The following SPA17 variants were observed in gnomAD, a reference collection of about 807,000 sequenced individuals.
The protein encoded by SPA17 is sperm autoantigenic protein 17, also known as sperm surface protein Sp17.
Under a neutral mutation model 13.8 loss-of-function variants are expected in SPA17, and 7 were observed. The ratio of observed to expected loss-of-function variants is 0.51; its 90% CI spans 0.29 to 0.95. The LOEUF is 0.95. SPA17 is among the 40% of genes least tolerant of loss of function. The pLI is 0.08. For missense variants in SPA17, 170 were observed against 179.3 expected, an observed-to-expected ratio of 0.95 and a Z score of 0.30; for synonymous variants, 61 against 59.0, an observed-to-expected ratio of 1.03 and a Z score of -0.16.
At chr11:124,676,199 A>G (rs775318026) in intron 2 of SPA17, 1 of 152,350 alleles carries the variant, frequency 6.6e-6, no homozygotes, top group Non-Finnish European at 1.5e-5. Flanking sequence ...AGTACCAGCT[A>G]CTCAGGGGCT....
chr11:124,690,725 T>A (rs1220307218), intron 3 of SPA17, among the ~76,000 whole-genome samples: 2 of 152,218 alleles, frequency 1.3e-5, no homozygotes. Context: ...ACATTAAAAT[T>A]TGAGAACACT....
chr11:124,691,327 T>A (rs1430780705), intron 3 of SPA17, among the ~76,000 whole-genome samples: 1 of 152,188 alleles, frequency 6.6e-6, no homozygotes, highest in Non-Finnish European at 1.5e-5. Flanking sequence ...TTATTCCTAT[T>A]TTAGAAACTA....
intron 4 of SPA17, among the ~76,000 whole-genome samples, chr11:124,692,563 G>A (rs1365788913): frequency 6.6e-6 from 1 of 152,026 alleles, no homozygotes; most frequent in Non-Finnish European, 1.5e-5. Flanking sequence ...CTGGGCGACA[G>A]TACAAGACTC....
At chr11:124,675,727 A>G (rs1048360749) in intron 2 of SPA17, 17 of 238,636 alleles carry the variant, frequency 7.1e-5, no homozygotes, top group African/African-American at 2.8e-4. Flanking sequence ...GGAAAAAAAG[A>G]TCATACAGTC....
intron 3 of SPA17, 30 bp downstream of exon 3, chr11:124,681,489 C>T: frequency 6.6e-7 from 1 of 1,517,158 alleles, no homozygotes; most frequent in African/African-American, 1.4e-5. Flanking sequence ...TTGGATTTGG[C>T]TATTTCTTCT....
intron 3 of SPA17, among the ~76,000 whole-genome samples, chr11:124,691,474 A>G (rs1414338783): frequency 6.6e-6 from 1 of 152,194 alleles, no homozygotes; most frequent in African/African-American, 2.4e-5. Flanking sequence ...ATTTTTGCCA[A>G]TTATTTGGTC....
chr11:124,678,017 T>C (rs1943488749), intron 2 of SPA17, among the ~76,000 whole-genome samples: 1 of 152,240 alleles, frequency 6.6e-6, no homozygotes, highest in Non-Finnish European at 1.5e-5. Flanking sequence ...TATACATTGC[T>C]GGTAGATAAG....
At chr11:124,682,387 C>G (rs1160623141) in intron 3 of SPA17, among the ~76,000 whole-genome samples, 1 of 151,988 alleles carries the variant, frequency 6.6e-6, no homozygotes, top group Non-Finnish European at 1.5e-5. Flanking sequence ...TAGATCATAA[C>G]CAGAATGAAA....
chr11:124,684,467 G>C (rs1943558137), intron 3 of SPA17, among the ~76,000 whole-genome samples: 5 of 152,044 alleles, frequency 3.3e-5, no homozygotes, highest in Admixed American at 3.3e-4. Context: ...GGCCAGGCTG[G>C]TCTCAAACTC....
rs189976985 is a variant in SPA17 at position 124,675,038 on chromosome 11, T to A, written c.-27-200T>A. 1.9e-4 allele frequency: 73 copies of A among 376,482 alleles called. 1 individual carries two copies. Among genetic ancestry groups the A allele is most frequent in the Middle Eastern group, 7.3e-4 (1 of 1,366 alleles). The allele number at this position is 376,482 out of a possible 1,614,324, so 23.3% of individuals were successfully genotyped here. On this transcript the variant is annotated intron_variant, in intron 1 of 4. Transcript: ENST00000227135. ...ATTTTAAATGATTTGGCCTAGTGAA[T>A]GGGTCTGTGTTTGTATTATACTAAT...
chr11:124,688,868 G>T (rs1024946756), intron 3 of SPA17, among the ~76,000 whole-genome samples: 1 of 152,120 alleles, frequency 6.6e-6, no homozygotes, highest in Non-Finnish European at 1.5e-5. Context: ...TGCCATTTTT[G>T]CTGTTACTTT....
intron 3 of SPA17, among the ~76,000 whole-genome samples, chr11:124,682,562 C>G (rs1943538560): frequency 6.6e-6 from 1 of 151,952 alleles, no homozygotes; most frequent in East Asian, 1.9e-4. Flanking sequence ...AAAACCCTAA[C>G]ATAAATTCTG....
Position 124,693,834 on chromosome 11 carries a change from T to C in SPA17, c.313-469T>C, listed in dbSNP as rs966130572. Among the ~76,000 whole-genome samples the C allele has an allele frequency of 2.0e-5, 3 of 152,220 alleles. No individual in the cohort carries two copies. In the East Asian group the frequency reaches 5.8e-4, roughly 29 times the overall value. On this transcript the variant is annotated intron_variant, in intron 4 of 4. Coordinates refer to ENST00000227135, the MANE Select transcript of SPA17 (RefSeq NM_017425.4). The stretch of plus-strand genomic sequence containing the variant: ...GACATTATTGGACTAAATGGATTTC[T>C]CTTTGGCACCTCACTTTAAATGTAT...
Position 124,675,354 on chromosome 11 carries a change from G to A in SPA17, c.90G>A (p.Glu30=). The A allele has an allele frequency of 8.1e-6, 13 of 1,614,202 alleles. No homozygotes were observed. Among genetic ancestry groups the A allele is most frequent in the Non-Finnish European group, 1.1e-5 (13 of 1,180,038 alleles). The change falls in exon 2 of 5, where the codon GAG becomes GAA. Residue 30 remains glutamate (E), a synonymous_variant. Transcript: ENST00000227135. ...GGCTGACACGCGAGATTCTGAGAGA[G>A]CAACCGGACAATATACCAGCTTTTG... ...LEGLTREILR[E]QPDNIPAFAA... is the part of the protein sequence containing the mutation.
At chr11:124,688,716 G>T (rs971701660) in intron 3 of SPA17, among the ~76,000 whole-genome samples, 1 of 152,104 alleles carries the variant, frequency 6.6e-6, no homozygotes, top group Non-Finnish European at 1.5e-5. Flanking sequence ...ACTTTTCACA[G>T]AATTGAGAAA....
chr11:124,694,605 C>A lies in SPA17; in HGVS notation c.*159C>A. On this transcript the variant is annotated 3_prime_UTR_variant, in exon 5 of 5. Transcript: ENST00000227135. Reference sequence around the variant, plus strand: ...CATGAGCATTTGTTTAATAAGCATACCATTGAAACATGCCACTTGAAGATT... The same window carrying A: ...CATGAGCATTTGTTTAATAAGCATAACATTGAAACATGCCACTTGAAGATT... The A allele has an allele frequency of 1.1e-6, 1 of 931,662 alleles. No individual in the cohort carries two copies. The highest frequency in any genetic ancestry group is 1.6e-6 in the Non-Finnish European group (1 of 639,068). The allele number at this position is 931,662 out of a possible 1,614,324, so 57.7% of individuals were successfully genotyped here.
At chr11:124,676,740 G>A (rs1943468210) in intron 2 of SPA17, among the ~76,000 whole-genome samples, 1 of 152,206 alleles carries the variant, frequency 6.6e-6, no homozygotes, top group Non-Finnish European at 1.5e-5. Flanking sequence ...GGGCCTATGT[G>A]AGAGCAGAGG....
intron 3 of SPA17, among the ~76,000 whole-genome samples, chr11:124,686,107 C>T (rs1242644712): frequency 6.8e-6 from 1 of 146,246 alleles, no homozygotes; most frequent in Non-Finnish European, 1.5e-5. Flanking sequence ...GCTGTGTCCT[C>T]ACCCAAATCT....
chr11:124,675,635 C>T (rs1014339947), intron 2 of SPA17: 9 of 455,066 alleles, frequency 2.0e-5, no homozygotes, highest in Non-Finnish European at 3.1e-5. Flanking sequence ...TTATTCAGAC[C>T]GTCTTCATTG....
Sources: allele counts gnomAD v4.1 joint callset (sites outside exome capture counted in the v4.1 genomes callset), GRCh38; gene constraint gnomAD v4.1.1; transcripts MANE v1.5; gene names NCBI Gene and HGNC (gene_info 2026-07-23, HGNC 2026-07-21).